The following CADPS2 variants were observed in gnomAD, a reference collection of about 807,000 sequenced individuals.
CADPS2 encodes the protein calcium dependent secretion activator 2.
CADPS2 carries 93 observed loss-of-function variants against 172.5 expected under a neutral mutation model. The ratio of observed to expected loss-of-function variants is 0.54; its 90% confidence interval spans 0.46 to 0.64. CADPS2 has a LOEUF of 0.64. Ranked by LOEUF, CADPS2 falls within the 30% of genes least tolerant of loss-of-function variation. The pLI, the probability that CADPS2 is intolerant of heterozygous loss-of-function variation, is 0.00. For missense variants in CADPS2, 1,420 were observed against 1,565.9 expected (o/e 0.91, Z 1.57); for synonymous variants, 546 against 555.2 (o/e 0.98, Z 0.23).
At chr7:122,682,317 C>T (rs1006102567) in intron 2 of CADPS2, among the ~76,000 whole-genome samples, 3 of 152,166 alleles carry the variant, frequency 2.0e-5, no homozygotes, top group Non-Finnish European at 4.4e-5. Flanking sequence ...AGCTTCTACA[C>T]GTAGCCACAA....
At chr7:122,594,375 CATA>C (rs72094544) in intron 6 of CADPS2, among the ~76,000 whole-genome samples, 8,300 of 151,968 alleles carry the variant, frequency 0.055, 252 homozygotes, top group South Asian at 0.1. Flanking sequence ...TAATGACTTT[CATA>C]ATAAGAAAAA....
chr7:122,439,159 T>C (rs1268357415), intron 16 of CADPS2, among the ~76,000 whole-genome samples: 1 of 152,158 alleles, frequency 6.6e-6, no homozygotes, highest in Admixed American at 6.6e-5. Context: ...ACTTTTCCTT[T>C]AAAAATGTTA....
intron 1 of CADPS2, among the ~76,000 whole-genome samples, chr7:122,778,711 G>C (rs546433186): frequency 6.6e-6 from 1 of 152,376 alleles, no homozygotes; most frequent in Non-Finnish European, 1.5e-5. Context: ...GGCAGCTTCT[G>C]TGTGGTGTTG....
At chr7:122,400,398 T>C (rs1212164798) in intron 20 of CADPS2, among the ~76,000 whole-genome samples, 1 of 151,584 alleles carries the variant, frequency 6.6e-6, no homozygotes, top group Non-Finnish European at 1.5e-5. Context: ...GATCACTCCA[T>C]TGCACTCCAG....
At position 122,533,637 on chromosome 7, in the gene CADPS2, C is replaced by G. The variant is rs182477944; in HGVS notation, c.1476-20322G>C. 1.9e-4 allele frequency among the ~76,000 whole-genome samples: 29 copies of G among 152,214 alleles called. No homozygotes were observed. The East Asian group carries it at 2.3e-3, about 12-fold the overall frequency. On this transcript the variant is annotated intron_variant, in intron 8 of 29. Transcript: ENST00000449022. ...TTTCTCATATGAAATATCCAGAAGT[C>G]TCATGTTATTTTATGCCAATTAACA...
chr7:122,865,118 A>G (rs759774079), intron 1 of CADPS2, among the ~76,000 whole-genome samples: 2 of 151,874 alleles, frequency 1.3e-5, no homozygotes. Flanking sequence ...TCCGTGAGGG[A>G]TGGTTGTTAA....
At chr7:122,563,969 C>T (rs1382971865) in intron 7 of CADPS2, among the ~76,000 whole-genome samples, 2 of 152,130 alleles carry the variant, frequency 1.3e-5, no homozygotes, top group African/African-American at 2.4e-5. Flanking sequence ...AAAGGAAATG[C>T]TCATTGGAGC....
intron 2 of CADPS2, among the ~76,000 whole-genome samples, chr7:122,703,992 C>A (rs552626992): frequency 6.6e-6 from 1 of 152,004 alleles, no homozygotes; most frequent in Non-Finnish European, 1.5e-5. Context: ...AAGTCTGTTT[C>A]AAGGAGCCAA....
intron 2 of CADPS2, among the ~76,000 whole-genome samples, chr7:122,720,633 T>C (rs1209323932): frequency 4.0e-5 from 6 of 151,818 alleles, no homozygotes; most frequent in African/African-American, 1.5e-4. Context: ...TGTACGTATG[T>C]GTATACACAC....
At chr7:122,380,858 TAG>T (rs1189982006) in intron 24 of CADPS2, among the ~76,000 whole-genome samples, 2 of 151,978 alleles carry the variant, frequency 1.3e-5, no homozygotes, top group Non-Finnish European at 2.9e-5. Flanking sequence ...AATTGAAACA[TAG>T]AGAGTGGATT....
At chr7:122,422,444 T>G (rs937522384) in intron 17 of CADPS2, among the ~76,000 whole-genome samples, 5 of 152,188 alleles carry the variant, frequency 3.3e-5, no homozygotes, top group African/African-American at 4.8e-5. Context: ...AATGGTGGAA[T>G]GGATCCTTCC....
At chr7:122,767,183 T>G (rs2093578482) in intron 1 of CADPS2, among the ~76,000 whole-genome samples, 1 of 152,196 alleles carries the variant, frequency 6.6e-6, no homozygotes, top group African/African-American at 2.4e-5. Context: ...TTTTAATATT[T>G]TCCCCTACAT....
chr7:122,608,178 T>A (rs2073833063), intron 6 of CADPS2, among the ~76,000 whole-genome samples: 1 of 150,246 alleles, frequency 6.7e-6, no homozygotes, highest in South Asian at 2.1e-4. Flanking sequence ...AGTGCACCAT[T>A]GCACTCCAGC....
At chr7:122,880,466 T>C (rs1822601414) in intron 1 of CADPS2, among the ~76,000 whole-genome samples, 1 of 152,204 alleles carries the variant, frequency 6.6e-6, no homozygotes, top group Non-Finnish European at 1.5e-5. Context: ...GTATCCCCAT[T>C]ACCTTTTCCT....
intron 1 of CADPS2, among the ~76,000 whole-genome samples, chr7:122,818,217 C>G (rs994762498): frequency 5.3e-5 from 8 of 151,984 alleles, no homozygotes; most frequent in Non-Finnish European, 8.8e-5. Context: ...CCCTTGGCCT[C>G]TGTTCTCAAA....
chr7:122,872,884 C>T (rs183515595), intron 1 of CADPS2, among the ~76,000 whole-genome samples: 10 of 152,224 alleles, frequency 6.6e-5, no homozygotes, highest in Non-Finnish European at 1.0e-4. Flanking sequence ...GGAATGTCCA[C>T]GGACTCACAA....
intron 1 of CADPS2, 36 bp downstream of exon 1, chr7:122,885,963 A>C: frequency 6.3e-7 from 1 of 1,580,664 alleles, no homozygotes; most frequent in Non-Finnish European, 8.6e-7. Flanking sequence ...ACCCAGGGAG[A>C]AGTGGTGGTA....
intron 18 of CADPS2, 83 bp from the exon 19 acceptor site, chr7:122,414,159 A>C (rs2047621792): frequency 1.0e-6 from 1 of 961,956 alleles, no homozygotes; most frequent in African/African-American, 1.7e-5. Flanking sequence ...AAAGGTCATC[A>C]TAATAGTCCT....
intron 3 of CADPS2, among the ~76,000 whole-genome samples, chr7:122,650,618 A>G (rs1195915180): frequency 2.6e-5 from 4 of 152,210 alleles, no homozygotes; most frequent in Admixed American, 6.5e-5. Context: ...CAAATTCAAC[A>G]AAACATTTTA....
Sources: allele counts gnomAD v4.1 joint callset (sites outside exome capture counted in the v4.1 genomes callset), GRCh38; gene constraint gnomAD v4.1.1; transcripts MANE v1.5; gene names NCBI Gene and HGNC (gene_info 2026-07-23, HGNC 2026-07-21).